Variants in PRKN observed in about 807,000 individuals in gnomAD.
The protein encoded by PRKN is parkin RBR E3 ubiquitin protein ligase, also known as E3 ubiquitin-protein ligase parkin.
Under a neutral mutation model 59.5 loss-of-function variants are expected in PRKN, and 56 were observed. That is an observed-to-expected ratio of 0.94 (90% CI 0.76 to 1.18). PRKN has a LOEUF of 1.18. PRKN is among the 50% of genes most tolerant of loss of function. The pLI is 0.00. For missense variants in PRKN, 657 were observed against 596.4 expected, an observed-to-expected ratio of 1.10 and a Z score of -1.06; for synonymous variants, 250 against 222.1, an observed-to-expected ratio of 1.13 and a Z score of -1.12.
At chr6:161,737,870 G>A (rs1237971634) in intron 7 of PRKN, among the ~76,000 whole-genome samples, 1 of 152,204 alleles carries the variant, frequency 6.6e-6, no homozygotes, top group East Asian at 1.9e-4. Context: ...TCAAGTTTCA[G>A]AACACTCTGC....
chr6:162,104,142 C>T (rs1188960993), intron 4 of PRKN, among the ~76,000 whole-genome samples: 2 of 152,182 alleles, frequency 1.3e-5, no homozygotes, highest in African/African-American at 4.8e-5. Context: ...GTTTGTTTGT[C>T]TTGTGCCCTG....
intron 6 of PRKN, among the ~76,000 whole-genome samples, chr6:161,822,256 A>T (rs1792061981): frequency 6.6e-6 from 1 of 152,216 alleles, no homozygotes; most frequent in African/African-American, 2.4e-5. Flanking sequence ...GCAAGGGGAC[A>T]TGAAGAAAAG....
chr6:161,587,697 C>T (rs2872896), intron 7 of PRKN, among the ~76,000 whole-genome samples: 96,661 of 151,926 alleles, frequency 0.64, 31,391 homozygotes, highest in African/African-American at 0.76. Flanking sequence ...TCTGGTTACA[C>T]GAGTAAGTTC....
rs565221867 is a variant in PRKN, at chr6:162,073,609, A to G, written c.535-19435T>C. ...TGGGACTCCAGACGTGCATCACCAC[A>G]CCCGGTTAATTTTTATACTTTTTGT... On this transcript the variant is annotated intron_variant, in intron 4 of 11. Transcript: ENST00000366898. 1.6e-4 allele frequency among the ~76,000 whole-genome samples: 25 copies of G among 152,108 alleles called. No individual in the cohort carries two copies. The South Asian group carries it at 4.8e-3, about 29-fold the overall frequency.
At chr6:162,623,064 G>A (rs1250058690) in intron 1 of PRKN, among the ~76,000 whole-genome samples, 1 of 152,180 alleles carries the variant, frequency 6.6e-6, no homozygotes, top group Non-Finnish European at 1.5e-5. Context: ...AAGCTAGTGT[G>A]TTGAACCTGC....
chr6:162,364,814 T>C (rs1212080993), intron 2 of PRKN, among the ~76,000 whole-genome samples: 1 of 152,060 alleles, frequency 6.6e-6, no homozygotes, highest in African/African-American at 2.4e-5. Flanking sequence ...ATAAAGATAT[T>C]TGTGTAAAAA....
rs533894233 is a variant in PRKN, at chr6:162,411,147, C to T, written c.171+32163G>A. Among the ~76,000 whole-genome samples the T allele has an allele frequency of 3.9e-4, 59 of 152,188 alleles. 2 individuals carry two copies. Among genetic ancestry groups the T allele is most frequent in the East Asian group, 9.7e-4 (5 of 5,174 alleles). On this transcript the variant is annotated intron_variant, in intron 2 of 11. Transcript: ENST00000366898. ...GTGGAATTTACTTTTAAAAAGGTTA[C>T]GTTGCAGGGATGTTTTAAAAGATAA...
chr6:162,077,430 C>T (rs181751634), intron 4 of PRKN, among the ~76,000 whole-genome samples: 2,357 of 152,170 alleles, frequency 0.015, 38 homozygotes, highest in Non-Finnish European at 0.022. Context: ...TTCAGCAATG[C>T]ATGACTGCAC....
chr6:162,057,315 A>C (rs1341667233), intron 4 of PRKN, among the ~76,000 whole-genome samples: 1 of 152,202 alleles, frequency 6.6e-6, no homozygotes, highest in Non-Finnish European at 1.5e-5. Flanking sequence ...CCAAATATAT[A>C]TGTTATTCAG....
intron 1 of PRKN, among the ~76,000 whole-genome samples, chr6:162,638,902 A>G (rs140141721): frequency 0.018 from 2,679 of 151,458 alleles, 72 homozygotes; most frequent in African/African-American, 0.062. Flanking sequence ...CTGCCACCAC[A>G]CCCAGCTAAT....
chr6:162,313,878 C>T (rs574126143), intron 2 of PRKN, among the ~76,000 whole-genome samples: 8 of 152,202 alleles, frequency 5.3e-5, no homozygotes, highest in East Asian at 3.9e-4. Context: ...CTGCTGTGAA[C>T]GTGGGTATGT....
At chr6:161,721,680 G>T (rs1490334916) in intron 7 of PRKN, among the ~76,000 whole-genome samples, 2 of 152,100 alleles carry the variant, frequency 1.3e-5, no homozygotes, top group Non-Finnish European at 2.9e-5. Flanking sequence ...CCCCGTGCTG[G>T]GGCTGCGTGG....
At chr6:162,041,556 TG>T (rs1479054960) in intron 5 of PRKN, among the ~76,000 whole-genome samples, 2 of 152,238 alleles carry the variant, frequency 1.3e-5, no homozygotes, top group Non-Finnish European at 2.9e-5. Context: ...GGGTTTAGGT[TG>T]TTACTGTGGT....
intron 4 of PRKN, among the ~76,000 whole-genome samples, chr6:162,087,957 C>T (rs1018367207): frequency 6.6e-6 from 1 of 152,146 alleles, no homozygotes; most frequent in East Asian, 1.9e-4. Context: ...GCTTCCTAAA[C>T]GCAGGAGCAC....
intron 2 of PRKN, among the ~76,000 whole-genome samples, chr6:162,339,015 G>A (rs1299974563): frequency 2.0e-5 from 3 of 148,368 alleles, no homozygotes; most frequent in Non-Finnish European, 4.5e-5. Context: ...CCTCTGCCCG[G>A]CAACCACCCC....
At chr6:162,556,379 G>C (rs1449724509) in intron 1 of PRKN, among the ~76,000 whole-genome samples, 1 of 115,150 alleles carries the variant, frequency 8.7e-6, no homozygotes, top group East Asian at 4.7e-4. Context: ...GTGTGTGTGT[G>C]TGTGTGTGTG....
chr6:162,345,661 G>A (rs761738366), intron 2 of PRKN, among the ~76,000 whole-genome samples: 12 of 152,104 alleles, frequency 7.9e-5, no homozygotes, highest in Non-Finnish European at 1.6e-4. Context: ...TCTGCCTGTT[G>A]TTAGCATACA....
chr6:161,367,261 G>A (rs908662666), intron 10 of PRKN, among the ~76,000 whole-genome samples: 11 of 151,976 alleles, frequency 7.2e-5, no homozygotes, highest in African/African-American at 2.4e-4. Context: ...GATTACAGGC[G>A]TGAGCCACCG....
intron 7 of PRKN, among the ~76,000 whole-genome samples, chr6:161,732,979 A>G (rs957204672): frequency 2.6e-5 from 4 of 152,218 alleles, no homozygotes; most frequent in Non-Finnish European, 5.9e-5. Flanking sequence ...ATGAGGGCGT[A>G]GGAACCTCTC....
Sources: gnomAD v4.1 joint callset for allele counts (sites outside exome capture counted in the v4.1 genomes callset) on GRCh38, gnomAD v4.1.1 for gene constraint, MANE v1.5 for transcripts, NCBI Gene and HGNC (gene_info 2026-07-23, HGNC 2026-07-21) for gene names.